Variants in ZHX3 observed in about 807,000 individuals in gnomAD.
The protein encoded by ZHX3 is zinc fingers and homeoboxes 3.
ZHX3 carries 20 observed loss-of-function variants against 64.5 expected under a neutral mutation model. The observed-to-expected ratio is 0.31, with a 90% CI of 0.22 to 0.45. ZHX3 has a LOEUF of 0.45. ZHX3 is among the 20% of genes least tolerant of loss of function. The pLI is 1.00. For synonymous variants in ZHX3, 423 were observed against 461.6 expected (o/e 0.92, Z 1.07); for missense variants, 1,041 against 1,195.8 (o/e 0.87, Z 1.91).
chr20:41,197,997 CTCTT>C (rs1478799263), intron 3 of ZHX3, among the ~76,000 whole-genome samples: 4 of 138,264 alleles, frequency 2.9e-5, no homozygotes, highest in Non-Finnish European at 6.1e-5. Context: ...TTAACTAGTG[CTCTT>C]TTTTTTTTTT....
intron 1 of ZHX3, among the ~76,000 whole-genome samples, chr20:41,297,634 C>A (rs1165094873): frequency 1.3e-5 from 2 of 152,126 alleles, no homozygotes; most frequent in Non-Finnish European, 2.9e-5. Flanking sequence ...TATGAAGTAA[C>A]CCCCCTACAC....
Position 41,201,397 on chromosome 20 carries a change from C to T in ZHX3, c.2860+660G>A, listed in dbSNP as rs768350387. On this transcript the variant is annotated intron_variant, in intron 3 of 3. Coordinates refer to ENST00000683867, the MANE Select transcript of ZHX3 (RefSeq NM_001384317.1). The surrounding 1 kb of genome is among the most constrained non-coding windows in gnomAD (Gnocchi z 5.0). ...AGTGACCAGGAACCTAGAAAATCAA[C>T]ACGTAATAACATGACTTGTCTGTGG... 10 of 1,296,436 alleles carry T rather than the reference C, an allele frequency of 7.7e-6. No homozygotes were observed. The highest frequency in any genetic ancestry group is 2.3e-5 in the Admixed American group (1 of 43,542). 80.3% of individuals were successfully genotyped at this position (1,296,436 alleles called of 1,614,324 possible).
chr20:41,234,203 G>C (rs2040812552), intron 2 of ZHX3, among the ~76,000 whole-genome samples: 1 of 152,204 alleles, frequency 6.6e-6, no homozygotes. Context: ...GTGGGTACAA[G>C]ATTCCTCCCC....
At position 41,180,479 on chromosome 20, in the gene ZHX3, C is replaced by T. The variant is rs1161747613; in HGVS notation, c.*4712G>A. The T allele has an allele frequency of 6.6e-6, 1 of 152,052 alleles. No individual in the cohort carries two copies. The highest frequency in any genetic ancestry group is 2.4e-5 in the African/African-American group (1 of 41,440). The allele number at this position is 152,052 out of a possible 1,614,324, so 9.4% of individuals were successfully genotyped here. A position where few individuals can be genotyped will look rare whatever the true frequency, so the allele number is the denominator to read the frequency against. ...ATGGATGACTCTGCTGGATCTAGAGCTAAATAGAAACTTCTTTGCCATAGA... is the reference window on the plus strand; with the variant it reads ...ATGGATGACTCTGCTGGATCTAGAGTTAAATAGAAACTTCTTTGCCATAGA... On this transcript the variant is annotated 3_prime_UTR_variant, in exon 4 of 4. Transcript: ENST00000683867.
intron 2 of ZHX3, among the ~76,000 whole-genome samples, chr20:41,235,120 G>GGT (rs367962902): frequency 2.1e-4 from 32 of 151,536 alleles, no homozygotes; most frequent in Admixed American, 1.1e-3. Context: ...CAGCAAACTC[G>GGT]GTGTGTGTGT....
chr20:41,265,682 T>C (rs184467857), intron 2 of ZHX3, among the ~76,000 whole-genome samples: 2 of 152,226 alleles, frequency 1.3e-5, no homozygotes, highest in Admixed American at 1.3e-4. Context: ...GATTAGAATT[T>C]TATAAAGCTT....
chr20:41,263,731 A>G (rs1468224329), intron 2 of ZHX3, among the ~76,000 whole-genome samples: 4 of 152,126 alleles, frequency 2.6e-5, no homozygotes, highest in African/African-American at 7.2e-5. Context: ...AATAAATTAG[A>G]TATTTTGAAA....
chr20:41,277,680 C>T (rs572772988), intron 1 of ZHX3, among the ~76,000 whole-genome samples: 36 of 150,878 alleles, frequency 2.4e-4, no homozygotes, highest in Admixed American at 2.2e-3. Flanking sequence ...CAAGCTCCGC[C>T]TCCCGGGTTC....
chr20:41,308,407 A>G (rs1310994862), intron 1 of ZHX3, among the ~76,000 whole-genome samples: 3 of 152,234 alleles, frequency 2.0e-5, no homozygotes, highest in Non-Finnish European at 4.4e-5. Context: ...ACCAGTTTGA[A>G]AGCCAGCCTT....
intron 2 of ZHX3, chr20:41,213,781 T>C (rs889440945): frequency 3.3e-5 from 5 of 152,276 alleles, no homozygotes; most frequent in South Asian, 4.1e-4. Flanking sequence ...TTTTTGGCAA[T>C]AGTCCCAATG....
chr20:41,276,390 A>G (rs2043382157), intron 1 of ZHX3, among the ~76,000 whole-genome samples: 1 of 152,136 alleles, frequency 6.6e-6, no homozygotes, highest in Non-Finnish European at 1.5e-5. Context: ...AATTTGCTGC[A>G]AGGCTGCTGG....
At position 41,202,919 on chromosome 20, in the gene ZHX3, T is replaced by C. The variant is rs1169113821; in HGVS notation, c.1998A>G (p.Lys666=). The part of the protein sequence containing the change: ...IDSWFSERRK[K]VNAEETKKAE... Reference sequence around the variant, plus strand: ...CCTTCTTGGTCTCCTCAGCATTCACTTTTTTCCGTCTCTCTGAAAACCAGC... The same window carrying C: ...CCTTCTTGGTCTCCTCAGCATTCACCTTTTTCCGTCTCTCTGAAAACCAGC... Residue 666 remains lysine, a synonymous_variant, in exon 3 of 4, where the codon AAA becomes AAG. Transcript: ENST00000683867. The surrounding 1 kb of genome is among the most constrained non-coding windows in gnomAD (Gnocchi z 7.0). The C allele has an allele frequency of 2.5e-6, 4 of 1,614,174 alleles. No homozygotes were observed. In the East Asian group the frequency reaches 6.7e-5, roughly 27 times the overall value.
At chr20:41,196,488 A>ATT in intron 3 of ZHX3, among the ~76,000 whole-genome samples, 2 of 75,646 alleles carry the variant, frequency 2.6e-5, no homozygotes, top group Non-Finnish European at 4.7e-5. Context: ...TATATTATAA[A>ATT]TATATATTAT....
intron 2 of ZHX3, among the ~76,000 whole-genome samples, chr20:41,217,523 T>C (rs544138085): frequency 3.9e-5 from 6 of 152,328 alleles, no homozygotes; most frequent in Non-Finnish European, 7.4e-5. Context: ...CTCTCTTCCC[T>C]TCCTTTGGAA....
At chr20:41,214,259 G>A (rs2039365950) in intron 2 of ZHX3, among the ~76,000 whole-genome samples, 1 of 152,146 alleles carries the variant, frequency 6.6e-6, no homozygotes, top group African/African-American at 2.4e-5. Flanking sequence ...CATATTGTTG[G>A]AAGTGCTTTT....
At chr20:41,196,897 T>C (rs2037756958) in intron 3 of ZHX3, 1 of 168,742 alleles carries the variant, frequency 5.9e-6, no homozygotes, top group Non-Finnish European at 1.3e-5. Flanking sequence ...AGAAATAAGC[T>C]TGACCACTAT....
chr20:41,206,332 C>T (rs1018251108), intron 2 of ZHX3, among the ~76,000 whole-genome samples: 7 of 152,090 alleles, frequency 4.6e-5, no homozygotes, highest in Non-Finnish European at 7.3e-5. Context: ...GGGCTTCAGA[C>T]GATCAGTAAT....
At chr20:41,230,246 G>A (rs1442961473) in intron 2 of ZHX3, among the ~76,000 whole-genome samples, 1 of 151,612 alleles carries the variant, frequency 6.6e-6, no homozygotes, top group African/African-American at 2.4e-5. Context: ...TCACGTATTG[G>A]CTCTCATTGT....
chr20:41,247,641 C>G (rs1294352145), intron 2 of ZHX3, among the ~76,000 whole-genome samples: 2 of 152,182 alleles, frequency 1.3e-5, no homozygotes, highest in East Asian at 1.9e-4. Flanking sequence ...CAACTTGCAC[C>G]CTGAGTAAGG....
Sources: allele counts gnomAD v4.1 joint callset (sites outside exome capture counted in the v4.1 genomes callset), GRCh38; gene constraint gnomAD v4.1.1; non-coding constraint Gnocchi (gnomAD v3.1); transcripts MANE v1.5; gene names NCBI Gene and HGNC (gene_info 2026-07-23, HGNC 2026-07-21).